ALK: variants seen among roughly 807,000 people sequenced by gnomAD.
ALK encodes ALK tyrosine kinase receptor.
Under a neutral mutation model 163.1 loss-of-function variants are expected in ALK, and 74 were observed. The observed-to-expected ratio is 0.45, with a 90% CI of 0.38 to 0.55. The LOEUF (loss-of-function observed/expected upper bound fraction) is 0.55. Among genes scored for constraint, ALK ranks in the 20% least tolerant of loss-of-function variants. ALK has a pLI of 0.00. For synonymous variants in ALK, 960 were observed against 843.2 expected, an observed-to-expected ratio of 1.14 and a Z score of -2.40; for missense variants, 2,063 against 2,105.3, an observed-to-expected ratio of 0.98 and a Z score of 0.39.
At chr2:29,202,910 A>T (rs1558610572) in intron 26 of ALK, among the ~76,000 whole-genome samples, 1 of 152,118 alleles carries the variant, frequency 6.6e-6, no homozygotes, top group Non-Finnish European at 1.5e-5. Flanking sequence ...TCTTCTCTCT[A>T]ATGTATTTAC....
chr2:29,854,159 C>G (rs1184974067), intron 1 of ALK, among the ~76,000 whole-genome samples: 1 of 152,090 alleles, frequency 6.6e-6, no homozygotes, highest in African/African-American at 2.4e-5. Context: ...GTCACCTCCT[C>G]AAGGAGGCCT....
At chr2:29,839,268 C>T (rs1266316687) in intron 1 of ALK, among the ~76,000 whole-genome samples, 1 of 152,114 alleles carries the variant, frequency 6.6e-6, no homozygotes, top group Non-Finnish European at 1.5e-5. Context: ...GTGTTCTAAT[C>T]TCCCTTCAAT....
At chr2:29,260,259 A>G (rs895918737) in intron 11 of ALK, among the ~76,000 whole-genome samples, 3 of 152,016 alleles carry the variant, frequency 2.0e-5, no homozygotes, top group African/African-American at 7.2e-5. Context: ...CATGTCTTGT[A>G]TTATTGTTTT....
In ALK at chr2:29,920,601, C is replaced by T. The variant is rs1572504071; in HGVS notation, c.59G>A (p.Gly20Asp). 6.4e-7 allele frequency: 1 copy of T among 1,558,190 alleles called. No individual in the cohort carries two copies. Among genetic ancestry groups the T allele is most frequent in the Non-Finnish European group, 8.6e-7 (1 of 1,158,326 alleles). The change falls in exon 1 of 29, where the codon GGC becomes GAC. Residue 20 changes from glycine to aspartate, a missense_variant. Transcript: ENST00000389048. ...GCGCTGGCCGGTCCCCATCCCGGAG[C>T]CCACAGCTGCCGTGGAAAGCAGCAG... Reference protein sequence around the residue: ...LPLLLSTAAVGSGMGTGQRAG... With the variant: ...LPLLLSTAAVDSGMGTGQRAG...
intron 2 of ALK, among the ~76,000 whole-genome samples, chr2:29,699,332 T>C (rs1678663871): frequency 6.6e-6 from 1 of 152,290 alleles, no homozygotes; most frequent in South Asian, 2.1e-4. Flanking sequence ...CACTGAGAAG[T>C]GGACGGTTTC....
At chr2:29,565,856 A>C (rs976779292) in intron 3 of ALK, among the ~76,000 whole-genome samples, 2 of 152,230 alleles carry the variant, frequency 1.3e-5, no homozygotes, top group African/African-American at 4.8e-5. Flanking sequence ...GGCGAGATTA[A>C]ATTAACACAG....
At chr2:29,501,540 T>G (rs1283690843) in intron 4 of ALK, among the ~76,000 whole-genome samples, 1 of 152,180 alleles carries the variant, frequency 6.6e-6, no homozygotes, top group Non-Finnish European at 1.5e-5. Context: ...TAGCACTGCT[T>G]CATGTCCTCT....
chr2:29,292,770 T>C lies in ALK; in HGVS notation c.1817+4118A>G, dbSNP rs141169920. Among the ~76,000 whole-genome samples, 841 of 152,362 alleles carry C rather than the reference T, an allele frequency of 5.5e-3. 10 individuals are homozygous for C. The highest frequency in any genetic ancestry group is 0.019 in the African/African-American group (795 of 41,588). On this transcript the variant is annotated intron_variant, in intron 9 of 28. Coordinates refer to ENST00000389048, the MANE Select transcript of ALK (RefSeq NM_004304.5). ...TACAGTTAACATAATTCTGTAATGATGACAGACTATTACATTCCTTCTATC... is the reference window on the plus strand; with the variant it reads ...TACAGTTAACATAATTCTGTAATGACGACAGACTATTACATTCCTTCTATC...
At chr2:29,288,952 AAAAAAATAAAT>A (rs201996759) in intron 9 of ALK, among the ~76,000 whole-genome samples, 340 of 23,584 alleles carry the variant, frequency 0.014, 17 homozygotes, top group African/African-American at 0.019. Flanking sequence ...ACTCCTTCTC[AAAAAAATAAAT>A]AAATAAATAA....
chr2:29,801,640 GT>G (rs1439260253), intron 1 of ALK, among the ~76,000 whole-genome samples: 1 of 152,056 alleles, frequency 6.6e-6, no homozygotes, highest in Non-Finnish European at 1.5e-5. Flanking sequence ...TTCATTTTCT[GT>G]TTTCCTTCCT....
intron 8 of ALK, among the ~76,000 whole-genome samples, chr2:29,309,671 A>G (rs756289576): frequency 7.2e-6 from 1 of 139,222 alleles, no homozygotes; most frequent in Non-Finnish European, 1.5e-5. Flanking sequence ...TGGGTCCTCG[A>G]GACTCATTGA....
In ALK at chr2:29,588,028, A is replaced by G. The variant is rs113474656; in HGVS notation, c.953-55912T>C. Among the ~76,000 whole-genome samples the G allele has an allele frequency of 2.9e-3, 445 of 152,084 alleles. 1 individual carries two copies. Among genetic ancestry groups the G allele is most frequent in the African/African-American group, 0.01 (434 of 41,470 alleles). On this transcript the variant is annotated intron_variant, in intron 3 of 28. Coordinates refer to ENST00000389048, the MANE Select transcript of ALK (RefSeq NM_004304.5). ...CATCATCAGAGTTTGGGCCAACAGG[A>G]ATTTCTGTCCCCATCCTGGACAGAT...
In ALK at chr2:29,559,804, T is replaced by C. The variant is rs975479926; in HGVS notation, c.953-27688A>G. On this transcript the variant is annotated intron_variant, in intron 3 of 28. Coordinates refer to ENST00000389048, the MANE Select transcript of ALK (RefSeq NM_004304.5). ...GTGTGTGTGTGTGTGTGTGTGTGTA[T>C]TAGTTCACACATTATCCTGACTTGG... is the stretch of plus-strand genomic sequence containing the variant. 7.4e-5 allele frequency among the ~76,000 whole-genome samples: 11 copies of C among 149,330 alleles called. No individual in the cohort carries two copies. The South Asian group carries it at 8.4e-4, about 11-fold the overall frequency.
At chr2:29,880,368 AG>A (rs1666824403) in intron 1 of ALK, among the ~76,000 whole-genome samples, 1 of 152,228 alleles carries the variant, frequency 6.6e-6, no homozygotes, top group African/African-American at 2.4e-5. Context: ...AGAAGGAAGC[AG>A]GAAGTCGGGG....
intron 8 of ALK, among the ~76,000 whole-genome samples, chr2:29,298,925 T>C (rs1666283305): frequency 6.6e-6 from 1 of 152,210 alleles, no homozygotes; most frequent in South Asian, 2.1e-4. Context: ...ATCTTTTGGC[T>C]CCTTTGTCTA....
intron 1 of ALK, among the ~76,000 whole-genome samples, chr2:29,903,266 A>G (rs1049129802): frequency 1.3e-5 from 2 of 152,248 alleles, no homozygotes; most frequent in African/African-American, 4.8e-5. Context: ...GAATTGGGCA[A>G]GTGAATGTAT....
chr2:29,394,318 GA>G (rs35815977), intron 4 of ALK, among the ~76,000 whole-genome samples: 46,765 of 136,982 alleles, frequency 0.34, 7,792 homozygotes, highest in East Asian at 0.53. Flanking sequence ...ATCCAGACCA[GA>G]AAAAAAAAAA....
intron 1 of ALK, among the ~76,000 whole-genome samples, chr2:29,747,566 G>A (rs2148328801): frequency 6.6e-6 from 1 of 152,298 alleles, no homozygotes; most frequent in African/African-American, 2.4e-5. Flanking sequence ...ACAGGTAGAA[G>A]CATCAGTTTA....
At chr2:29,582,884 A>C (rs1319461273) in intron 3 of ALK, among the ~76,000 whole-genome samples, 2 of 141,890 alleles carry the variant, frequency 1.4e-5, no homozygotes, top group Non-Finnish European at 3.0e-5. Context: ...TTCTATTGAG[A>C]TAGAGTCTTG....
Sources: gnomAD v4.1 joint callset for allele counts (sites outside exome capture counted in the v4.1 genomes callset) on GRCh38, gnomAD v4.1.1 for gene constraint, MANE v1.5 for transcripts, NCBI Gene and HGNC (gene_info 2026-07-23, HGNC 2026-07-21) for gene names.